Variants in TEAD1 observed in about 807,000 individuals in gnomAD.
TEAD1 encodes transcriptional enhancer factor TEF-1.
A neutral mutation model predicts 54.9 loss-of-function variants in TEAD1; 9 were observed. The ratio of observed to expected loss-of-function variants is 0.16; its 90% CI spans 0.10 to 0.29. The LOEUF (loss-of-function observed/expected upper bound fraction) is 0.29. Among genes scored for constraint, TEAD1 ranks in the 10% least tolerant of loss-of-function variants. The pLI is 1.00. For synonymous variants in TEAD1, 200 were observed against 187.8 expected, an observed-to-expected ratio of 1.07 and a Z score of -0.53; for missense variants, 387 against 535.9, an observed-to-expected ratio of 0.72 and a Z score of 2.74.
chr11:12,711,428 C>T (rs1315645662), intron 2 of TEAD1, among the ~76,000 whole-genome samples: 2 of 152,166 alleles, frequency 1.3e-5, no homozygotes, highest in Non-Finnish European at 2.9e-5. Flanking sequence ...GAGGTCAAAC[C>T]CTGGTCTTTT....
In TEAD1 at chr11:12,680,084, A is replaced by G. The variant is rs1307439563; in HGVS notation, c.-55+4523A>G. 3.3e-5 allele frequency among the ~76,000 whole-genome samples: 5 copies of G among 152,020 alleles called. No individual in the cohort carries two copies. The East Asian group carries it at 9.6e-4, about 29-fold the overall frequency. Reference sequence around the variant, plus strand: ...ATTGTTATGAATGTATTTGACAGAAATCATTGTTAATCTTTTATACCAACC... The same window carrying G: ...ATTGTTATGAATGTATTTGACAGAAGTCATTGTTAATCTTTTATACCAACC... On this transcript the variant is annotated intron_variant, in intron 2 of 12. Transcript: ENST00000527636.
chr11:12,912,696 G>A (rs11022546), intron 10 of TEAD1, among the ~76,000 whole-genome samples: 35,113 of 151,974 alleles, frequency 0.23, 4,165 homozygotes, highest in Non-Finnish European at 0.26. Flanking sequence ...ATGAGCACAA[G>A]AGCTTACATT....
At chr11:12,786,736 T>C (rs979032753) in intron 3 of TEAD1, among the ~76,000 whole-genome samples, 13 of 152,110 alleles carry the variant, frequency 8.5e-5, no homozygotes, top group African/African-American at 3.1e-4. Flanking sequence ...GGTGAACTCA[T>C]GGAGCTTACA....
chr11:12,744,632 A>T (rs1376799860), intron 2 of TEAD1, among the ~76,000 whole-genome samples: 2 of 152,204 alleles, frequency 1.3e-5, no homozygotes, highest in African/African-American at 4.8e-5. Context: ...TATATGTTCC[A>T]CTTTTGGTCA....
chr11:12,756,072 C>T (rs1036003570), intron 2 of TEAD1, among the ~76,000 whole-genome samples: 25 of 152,208 alleles, frequency 1.6e-4, no homozygotes, highest in Middle Eastern at 6.8e-3. Context: ...GCTGATGGAG[C>T]GGAGAATTAA....
chr11:12,907,267 T>TG (rs1447999618), intron 10 of TEAD1, among the ~76,000 whole-genome samples: 1 of 152,182 alleles, frequency 6.6e-6, no homozygotes, highest in Non-Finnish European at 1.5e-5. Context: ...TGAGGTGTGT[T>TG]GCAGCTGAAT....
intron 2 of TEAD1, among the ~76,000 whole-genome samples, chr11:12,681,759 C>T (rs1197844420): frequency 6.6e-6 from 1 of 152,266 alleles, no homozygotes; most frequent in African/African-American, 2.4e-5. Flanking sequence ...GTCTGCCCCG[C>T]TCCTGTCTCC....
At chr11:12,812,381 G>T (rs1021705288) in intron 3 of TEAD1, among the ~76,000 whole-genome samples, 6 of 152,120 alleles carry the variant, frequency 3.9e-5, no homozygotes, top group Non-Finnish European at 8.8e-5. Context: ...TCCCAAAAAG[G>T]TGATGGTTAA....
chr11:12,800,247 TGCA>T (rs899072479), intron 3 of TEAD1, among the ~76,000 whole-genome samples: 3 of 152,196 alleles, frequency 2.0e-5, no homozygotes, highest in Non-Finnish European at 4.4e-5. Context: ...CAGTCACCAG[TGCA>T]GGAGAATGAA....
At chr11:12,904,277 T>C (rs2134131843) in intron 10 of TEAD1, among the ~76,000 whole-genome samples, 1 of 152,084 alleles carries the variant, frequency 6.6e-6, no homozygotes, top group Admixed American at 6.5e-5. Flanking sequence ...TTTTATCACA[T>C]CAAGGAAAAC....
intron 3 of TEAD1, among the ~76,000 whole-genome samples, chr11:12,806,465 G>A (rs1040472015): frequency 1.3e-5 from 2 of 151,812 alleles, no homozygotes; most frequent in African/African-American, 4.8e-5. Flanking sequence ...TTGGTCGATG[G>A]TCTAAAAGGT....
chr11:12,765,765 T>C (rs1033606197), intron 3 of TEAD1, among the ~76,000 whole-genome samples: 2 of 152,180 alleles, frequency 1.3e-5, no homozygotes, highest in African/African-American at 4.8e-5. Flanking sequence ...TGTTTTATGC[T>C]CCCATAATAT....
In TEAD1 at chr11:12,783,191, C is replaced by CTTTT. The variant is rs1564938284; in HGVS notation, c.202+18757_202+18758insTTTT. On this transcript the variant is annotated intron_variant, in intron 3 of 12. Transcript: ENST00000527636. ...AAAGGCCAGAGTTTTAGTTTTTGTG[C>CTTTT]CTTTTTTTTTTTTTTTTTTTTAAGG... Among the ~76,000 whole-genome samples, 257 of 114,120 alleles carry CTTTT rather than the reference C, an allele frequency of 2.3e-3. 4 individuals are homozygous for CTTTT. Among genetic ancestry groups the CTTTT allele is most frequent in the African/African-American group, 9.2e-3 (248 of 26,864 alleles). The allele number at this position is 114,120 out of a possible 152,430, so 74.9% of individuals were successfully genotyped here.
intron 2 of TEAD1, among the ~76,000 whole-genome samples, chr11:12,756,971 G>A (rs960210410): frequency 2.0e-5 from 3 of 152,134 alleles, no homozygotes; most frequent in African/African-American, 7.2e-5. Context: ...TTTGTTGGAG[G>A]GGAGCTTTTC....
intron 2 of TEAD1, among the ~76,000 whole-genome samples, chr11:12,717,763 C>G (rs1354456145): frequency 6.6e-6 from 1 of 152,190 alleles, no homozygotes; most frequent in African/African-American, 2.4e-5. Flanking sequence ...TAATTCTAGT[C>G]CTCAGGTGAG....
intron 5 of TEAD1, among the ~76,000 whole-genome samples, chr11:12,873,464 A>G (rs1421410901): frequency 6.6e-6 from 1 of 152,222 alleles, no homozygotes; most frequent in Non-Finnish European, 1.5e-5. Flanking sequence ...AAAATACCAA[A>G]TATAGCTGAG....
intron 5 of TEAD1, among the ~76,000 whole-genome samples, chr11:12,869,621 A>G (rs1452895889): frequency 6.6e-6 from 1 of 152,174 alleles, no homozygotes; most frequent in Non-Finnish European, 1.5e-5. Flanking sequence ...CAGTACAGAA[A>G]ATATATTAAA....
intron 12 of TEAD1, among the ~76,000 whole-genome samples, chr11:12,936,289 G>A (rs892534128): frequency 6.6e-6 from 1 of 152,110 alleles, no homozygotes; most frequent in African/African-American, 2.4e-5. Flanking sequence ...AAAATACGAG[G>A]GATAATTAGA....
intron 2 of TEAD1, among the ~76,000 whole-genome samples, chr11:12,696,203 T>G (rs1163982196): frequency 2.0e-5 from 3 of 152,184 alleles, no homozygotes; most frequent in African/African-American, 7.2e-5. Flanking sequence ...TGTGTGTGTT[T>G]TTTTGTTTTG....
Sources: allele counts gnomAD v4.1 joint callset (sites outside exome capture counted in the v4.1 genomes callset), GRCh38; gene constraint gnomAD v4.1.1; transcripts MANE v1.5; gene names NCBI Gene and HGNC (gene_info 2026-07-23, HGNC 2026-07-21).